The following RAP1GDS1 variants were observed in gnomAD, a reference collection of about 807,000 sequenced individuals.
RAP1GDS1 encodes RAP1, GTP-GDP dissociation stimulator 1.
In RAP1GDS1, 35 loss-of-function variants were observed where a neutral mutation model predicts 71.1. The ratio of observed to expected loss-of-function variants is 0.49; its 90% CI spans 0.38 to 0.65. The LOEUF (loss-of-function observed/expected upper bound fraction) is 0.65. Ranked by LOEUF, RAP1GDS1 falls within the 30% of genes least tolerant of loss-of-function variation. RAP1GDS1 has a pLI of 0.00. For synonymous variants in RAP1GDS1, 229 were observed against 243.1 expected (o/e 0.94, Z 0.54); for missense variants, 663 against 706.1 (o/e 0.94, Z 0.69).
At chr4:98,376,746 G>A (rs10025311) in intron 4 of RAP1GDS1, among the ~76,000 whole-genome samples, 6,671 of 151,808 alleles carry the variant, frequency 0.044, 348 homozygotes, top group African/African-American at 0.13. Context: ...CTCATATTTG[G>A]TAATAATGTA....
chr4:98,360,226 G>A (rs148708431), intron 4 of RAP1GDS1, among the ~76,000 whole-genome samples: 7 of 152,176 alleles, frequency 4.6e-5, no homozygotes, highest in African/African-American at 1.2e-4. Context: ...TAGTAATTTC[G>A]AGTAATTGTT....
At chr4:98,402,229 G>A (rs1292403801) in intron 6 of RAP1GDS1, among the ~76,000 whole-genome samples, 2 of 151,972 alleles carry the variant, frequency 1.3e-5, no homozygotes, top group Non-Finnish European at 2.9e-5. Flanking sequence ...ATGCCATCAC[G>A]CCCAGCTAAT....
At chr4:98,428,729 T>C (rs1448665121) in intron 12 of RAP1GDS1, among the ~76,000 whole-genome samples, 1 of 152,174 alleles carries the variant, frequency 6.6e-6, no homozygotes, top group Non-Finnish European at 1.5e-5. Flanking sequence ...GGAATACTTC[T>C]ACACTGCTGG....
intron 13 of RAP1GDS1, among the ~76,000 whole-genome samples, chr4:98,436,205 G>T (rs1377747407): frequency 6.6e-6 from 1 of 152,086 alleles, no homozygotes; most frequent in Non-Finnish European, 1.5e-5. Context: ...CCACTGCACT[G>T]ATTTTGTACC....
chr4:98,279,238 A>C (rs1184711427), intron 1 of RAP1GDS1, among the ~76,000 whole-genome samples: 1 of 151,952 alleles, frequency 6.6e-6, no homozygotes, highest in Non-Finnish European at 1.5e-5. Context: ...ACAAACAAAC[A>C]AACAAACAAA....
intron 1 of RAP1GDS1, among the ~76,000 whole-genome samples, chr4:98,274,368 T>A (rs1040741576): frequency 6.6e-6 from 1 of 152,166 alleles, no homozygotes; most frequent in African/African-American, 2.4e-5. Context: ...CTTATGATGG[T>A]TAAATCTGTG....
chr4:98,278,870 T>C (rs1025800353), intron 1 of RAP1GDS1, among the ~76,000 whole-genome samples: 4 of 152,174 alleles, frequency 2.6e-5, no homozygotes, highest in African/African-American at 9.7e-5. Flanking sequence ...CCTTGCAGCA[T>C]TAAATAAATT....
intron 12 of RAP1GDS1, among the ~76,000 whole-genome samples, chr4:98,428,339 A>G (rs1412570510): frequency 6.6e-6 from 1 of 152,210 alleles, no homozygotes; most frequent in African/African-American, 2.4e-5. Flanking sequence ...ATAAAAACAA[A>G]GGTAAATAGC....
chr4:98,291,997 C>T (rs576576712), intron 1 of RAP1GDS1, among the ~76,000 whole-genome samples: 3 of 152,200 alleles, frequency 2.0e-5, no homozygotes, highest in South Asian at 4.1e-4. Context: ...TTTCCAACTA[C>T]GTATATATTG....
chr4:98,408,115 T>TC (rs1746428306), intron 7 of RAP1GDS1, among the ~76,000 whole-genome samples: 1 of 150,068 alleles, frequency 6.7e-6, no homozygotes, highest in African/African-American at 2.5e-5. Context: ...TTTTTTTTTT[T>TC]CCCTCCCCCG....
At chr4:98,372,258 G>A (rs1448753359) in intron 4 of RAP1GDS1, among the ~76,000 whole-genome samples, 1 of 152,086 alleles carries the variant, frequency 6.6e-6, no homozygotes, top group Non-Finnish European at 1.5e-5. Context: ...CGCCTCCTAG[G>A]TTCAAGCAAT....
chr4:98,339,688 T>C (rs1287013658), intron 2 of RAP1GDS1, among the ~76,000 whole-genome samples: 1 of 152,190 alleles, frequency 6.6e-6, no homozygotes, highest in African/African-American at 2.4e-5. Context: ...ACATCCTCAG[T>C]TCACAGGTCA....
intron 12 of RAP1GDS1, among the ~76,000 whole-genome samples, chr4:98,425,311 AC>A (rs1294439778): frequency 6.6e-6 from 1 of 152,126 alleles, no homozygotes; most frequent in Non-Finnish European, 1.5e-5. Flanking sequence ...GACCTACAAA[AC>A]AAAAATACAA....
chr4:98,281,047 G>A (rs910958646), intron 1 of RAP1GDS1, among the ~76,000 whole-genome samples: 3 of 152,234 alleles, frequency 2.0e-5, no homozygotes, highest in Non-Finnish European at 2.9e-5. Flanking sequence ...GTAGCATGAT[G>A]CCTCCAGCTT....
chr4:98,325,439 T>C (rs1434789278), intron 2 of RAP1GDS1, among the ~76,000 whole-genome samples: 2 of 151,814 alleles, frequency 1.3e-5, no homozygotes, highest in East Asian at 3.9e-4. Flanking sequence ...CCCAAATGAC[T>C]ATAAATCATG....
intron 2 of RAP1GDS1, among the ~76,000 whole-genome samples, chr4:98,302,893 A>G (rs910982273): frequency 6.6e-6 from 1 of 152,192 alleles, no homozygotes; most frequent in Non-Finnish European, 1.5e-5. Context: ...TAAAAATACA[A>G]AAATTAGCCG....
chr4:98,420,374 A>T (rs1416189655), intron 11 of RAP1GDS1, among the ~76,000 whole-genome samples: 1 of 150,150 alleles, frequency 6.7e-6, no homozygotes, highest in Non-Finnish European at 1.5e-5. Flanking sequence ...TTGTTTATTT[A>T]TTTATTTTTG....
rs186734531 is a variant in RAP1GDS1, at chr4:98,338,371, A to G, written c.113-4768A>G. Among the ~76,000 whole-genome samples the G allele has an allele frequency of 8.7e-3, 1,328 of 152,268 alleles. 13 individuals carry two copies. The highest frequency in any genetic ancestry group is 0.014 in the South Asian group (69 of 4,824). ...GCAAATGCTTTGTTTTCTGTTGCAT[A>G]AAAGGAGAGAGGATTGGGGACTTGT... On this transcript the variant is annotated intron_variant, in intron 2 of 14. Coordinates refer to ENST00000408927, the MANE Select transcript of RAP1GDS1 (RefSeq NM_001100427.2).
intron 4 of RAP1GDS1, among the ~76,000 whole-genome samples, chr4:98,369,520 A>G (rs28494643): frequency 0.042 from 6,328 of 152,314 alleles, 310 homozygotes; most frequent in African/African-American, 0.12. Context: ...AAACAATGGA[A>G]TACTATTTAG....
Sources: allele counts gnomAD v4.1 joint callset (sites outside exome capture counted in the v4.1 genomes callset), GRCh38; gene constraint gnomAD v4.1.1; transcripts MANE v1.5; gene names NCBI Gene and HGNC (gene_info 2026-07-23, HGNC 2026-07-21).